PCDHA3: variants seen among roughly 807,000 people sequenced by gnomAD.
The protein encoded by PCDHA3 is protocadherin alpha-3.
Under a neutral mutation model 62.2 loss-of-function variants are expected in PCDHA3, and 41 were observed. The ratio of observed to expected loss-of-function variants is 0.66; its 90% CI spans 0.51 to 0.86. The LOEUF is 0.86. PCDHA3 is among the 40% of genes least tolerant of loss of function. The pLI is 0.00. For missense variants in PCDHA3, 1,304 were observed against 1,241.2 expected (o/e 1.05, Z -0.76); for synonymous variants, 640 against 555.4 (o/e 1.15, Z -2.14).
At chr5:140,851,995 T>C in intron 1 of PCDHA3, 2 of 976,422 alleles carry the variant, frequency 2.0e-6, no homozygotes, top group South Asian at 4.8e-5. Context: ...GCTATTTGTT[T>C]GTTTTCTAAT....
chr5:140,890,499 TTA>T (rs1320014650), intron 1 of PCDHA3, among the ~76,000 whole-genome samples: 1 of 152,222 alleles, frequency 6.6e-6, no homozygotes, highest in Non-Finnish European at 1.5e-5. Flanking sequence ...CTCACCATTT[TTA>T]TGTCTCTATT....
chr5:140,882,739 A>C (rs781997612), intron 1 of PCDHA3: 1 of 1,614,142 alleles, frequency 6.2e-7, no homozygotes, highest in East Asian at 2.2e-5. Flanking sequence ...TAGATGGCGC[A>C]TCCGATGCAG....
chr5:140,841,458 G>T (rs2150315915), intron 1 of PCDHA3: 2 of 1,612,756 alleles, frequency 1.2e-6, no homozygotes, highest in African/African-American at 2.7e-5. Flanking sequence ...ACCTTCGTGG[G>T]CCGGATCGCG....
At chr5:140,999,215 C>T (rs1290752092) in intron 3 of PCDHA3, among the ~76,000 whole-genome samples, 1 of 152,140 alleles carries the variant, frequency 6.6e-6, no homozygotes, top group South Asian at 2.1e-4. Context: ...TCTGGAAGTA[C>T]TACATTTGAG....
intron 1 of PCDHA3, among the ~76,000 whole-genome samples, chr5:140,839,496 C>G (rs1776254419): frequency 6.6e-6 from 1 of 151,958 alleles, no homozygotes; most frequent in African/African-American, 2.4e-5. Context: ...CTCAAGTGAT[C>G]TTCCTACCTC....
intron 1 of PCDHA3, chr5:140,869,524 C>T: frequency 6.2e-7 from 1 of 1,614,188 alleles, no homozygotes; most frequent in Non-Finnish European, 8.5e-7. Flanking sequence ...ACAAAAGCTG[C>T]TGATTGCGGA....
At position 141,012,179 on chromosome 5, in the gene PCDHA3, T is replaced by C. The variant is rs2098423152; in HGVS notation, c.*2242T>C. ...GGGCTAATTTATTAATGATGATAAT[T>C]ATAATGTATCTGTACAGCACTTTTT... is the stretch of plus-strand genomic sequence containing the variant. On this transcript the variant is annotated 3_prime_UTR_variant, in exon 4 of 4. Coordinates refer to ENST00000522353, the MANE Select transcript of PCDHA3 (RefSeq NM_018906.3). 1 of 153,764 alleles carries C rather than the reference T, an allele frequency of 6.5e-6. No individual in the cohort carries two copies. Among genetic ancestry groups the C allele is most frequent in the South Asian group, 2.1e-4 (1 of 4,828 alleles). 9.5% of individuals were successfully genotyped at this position (153,764 alleles called of 1,614,324 possible). A position where few individuals can be genotyped will look rare whatever the true frequency, so the allele number is the denominator to read the frequency against.
At position 140,849,443 on chromosome 5, in the gene PCDHA3, C is replaced by G. The variant is rs2150437584; in HGVS notation, c.2394+45852C>G. On this transcript the variant is annotated intron_variant, in intron 1 of 3. Coordinates refer to ENST00000522353, the MANE Select transcript of PCDHA3 (RefSeq NM_018906.3). ...TGGATTTTGAAGAAAGTAGAGCACA[C>G]AAGATCCCAGTCGAGGCTGTCGATA... 1.9e-6 allele frequency: 3 copies of G among 1,584,788 alleles called. 1 individual carries two copies. The highest frequency in any genetic ancestry group is 8.6e-7 in the Non-Finnish European group (1 of 1,160,072).
intron 2 of PCDHA3, 129 bp from the exon 3 acceptor site, chr5:140,982,346 G>A: frequency 1.3e-6 from 2 of 1,492,346 alleles, no homozygotes; most frequent in South Asian, 2.7e-5. Context: ...AATTGCTTCA[G>A]TTCAAGCATG....
chr5:140,802,538 C>T lies in PCDHA3; in HGVS notation c.1341C>T (p.Asp447=), dbSNP rs782528123. ...CCAGCGTGTCCGTGGAGGTGGCCGA[C>T]GTGAACGACAATGCGCCGGCATTCT... is the stretch of plus-strand genomic sequence containing the variant. ...ATASVSVEVA[D]VNDNAPAFSQ... Residue 447 remains aspartate (D), a synonymous_variant, in exon 1 of 4, where the codon GAC becomes GAT. Transcript: ENST00000522353. 2.5e-6 allele frequency: 4 copies of T among 1,614,192 alleles called. No homozygotes were observed. Among genetic ancestry groups the T allele is most frequent in the South Asian group, 1.1e-5 (1 of 91,078 alleles).
At chr5:140,838,208 G>A (rs1272239930) in intron 1 of PCDHA3, among the ~76,000 whole-genome samples, 1 of 150,064 alleles carries the variant, frequency 6.7e-6, no homozygotes, top group Non-Finnish European at 1.5e-5. Flanking sequence ...CCGCCTCTCT[G>A]GTACAAGCAG....
At chr5:140,975,553 G>T (rs990389718) in intron 1 of PCDHA3, among the ~76,000 whole-genome samples, 2 of 152,226 alleles carry the variant, frequency 1.3e-5, no homozygotes, top group Non-Finnish European at 2.9e-5. Context: ...TATTAGGAAG[G>T]AAAAGGAGAT....
At chr5:140,920,749 C>T (rs145619239) in intron 1 of PCDHA3, among the ~76,000 whole-genome samples, 2 of 151,424 alleles carry the variant, frequency 1.3e-5, no homozygotes, top group Non-Finnish European at 2.9e-5. Context: ...GAGGCTGAGG[C>T]AGGAGAATTG....
intron 1 of PCDHA3, among the ~76,000 whole-genome samples, chr5:140,942,396 A>G (rs1172739397): frequency 6.6e-6 from 1 of 151,922 alleles, no homozygotes; most frequent in Admixed American, 6.6e-5. Flanking sequence ...TGGGCGACAG[A>G]TGAGACTCTG....
chr5:140,863,196 G>A (rs782500346), intron 1 of PCDHA3: 4 of 874,850 alleles, frequency 4.6e-6, no homozygotes, highest in Non-Finnish European at 7.2e-6. Flanking sequence ...TGGTGGCGTC[G>A]CTGGCGGAGA....
rs2150250945 is a variant in PCDHA3 at position 140,836,022 on chromosome 5, A to G, written c.2394+32431A>G. 3.1e-6 allele frequency: 5 copies of G among 1,613,430 alleles called. No homozygotes were observed. In the South Asian group the frequency reaches 5.5e-5, roughly 18 times the overall value. On this transcript the variant is annotated intron_variant, in intron 1 of 3. Transcript: ENST00000522353. Reference sequence around the variant, plus strand: ...CGATGCGGGCGTGCCGCCTCTGGGCAGCAACGTGACGCTGCAGGTGTTCGT... The same window carrying G: ...CGATGCGGGCGTGCCGCCTCTGGGCGGCAACGTGACGCTGCAGGTGTTCGT...
Position 140,836,196 on chromosome 5 carries a change from G to C in PCDHA3, c.2394+32605G>C. The C allele has an allele frequency of 6.2e-6, 10 of 1,613,832 alleles. 1 individual carries two copies. The highest frequency in any genetic ancestry group is 8.5e-6 in the Non-Finnish European group (10 of 1,179,816). On this transcript the variant is annotated intron_variant, in intron 1 of 3. Transcript: ENST00000522353. ...AGTTGACGCTGACTCAGGCTACAAC[G>C]CGTGGCTTTCGTATGAGTTGCAACC...
At chr5:140,927,822 T>C in intron 1 of PCDHA3, 1 of 1,614,152 alleles carries the variant, frequency 6.2e-7, no homozygotes, top group Non-Finnish European at 8.5e-7. Context: ...AGGCATACAT[T>C]GAGGCGAGGG....
intron 3 of PCDHA3, among the ~76,000 whole-genome samples, chr5:140,992,700 G>A (rs2097525204): frequency 6.6e-6 from 1 of 152,162 alleles, no homozygotes; most frequent in Non-Finnish European, 1.5e-5. Flanking sequence ...GGTGGGTAAT[G>A]TTCCTGCCAG....
Sources: allele counts gnomAD v4.1 joint callset (sites outside exome capture counted in the v4.1 genomes callset), GRCh38; gene constraint gnomAD v4.1.1; transcripts MANE v1.5; gene names NCBI Gene and HGNC (gene_info 2026-07-23, HGNC 2026-07-21).